Variants in NBAS observed in about 807,000 individuals in gnomAD.
NBAS encodes the protein NBAS subunit of NRZ tethering complex.
In NBAS, 219 loss-of-function variants were observed where a neutral mutation model predicts 302.5. That is an observed-to-expected ratio of 0.72 (90% CI 0.65 to 0.81). The LOEUF (loss-of-function observed/expected upper bound fraction) is 0.81, where lower values mean the gene tolerates loss of function less well. NBAS is among the 30% of genes least tolerant of loss of function. The pLI is 0.00. For missense variants in NBAS, 2,932 were observed against 2,841.6 expected (o/e 1.03, Z -0.72); for synonymous variants, 1,118 against 1,021.6 (o/e 1.09, Z -1.80).
intron 32 of NBAS, among the ~76,000 whole-genome samples, chr2:15,360,313 T>C (rs1415429233): frequency 2.1e-5 from 3 of 141,464 alleles, no homozygotes; most frequent in South Asian, 2.3e-4. Context: ...ATAAGTTAAC[T>C]ATAGGTTACC....
At chr2:15,035,929 T>C in the NBAS span, among the ~76,000 whole-genome samples, 2 of 152,174 alleles carry the variant, frequency 1.3e-5, no homozygotes, top group Non-Finnish European at 2.9e-5. Context: ...GATGGGTTAA[T>C]AGGTGCAGCA....
At chr2:14,836,726 A>G in the NBAS span, among the ~76,000 whole-genome samples, 694 of 152,002 alleles carry the variant, frequency 4.6e-3, 5 homozygotes, top group African/African-American at 0.016. Flanking sequence ...CAGTCACACA[A>G]ACCATTGGAT....
chr2:15,131,165 C>G, the NBAS span, among the ~76,000 whole-genome samples: 2 of 152,182 alleles, frequency 1.3e-5, no homozygotes. Flanking sequence ...GACACATAAT[C>G]TCCGAGCAGA....
the NBAS span, among the ~76,000 whole-genome samples, chr2:15,133,382 G>C: frequency 6.6e-6 from 1 of 152,176 alleles, no homozygotes; most frequent in Non-Finnish European, 1.5e-5. Context: ...AGGTGAGATG[G>C]TCTTAGAGAT....
chr2:15,192,814 C>A (rs959119665), intron 48 of NBAS, among the ~76,000 whole-genome samples: 1 of 152,124 alleles, frequency 6.6e-6, no homozygotes, highest in Admixed American at 6.6e-5. Flanking sequence ...TAATTAAATG[C>A]AGCATAGTTA....
the NBAS span, among the ~76,000 whole-genome samples, chr2:15,017,957 G>C: frequency 6.6e-6 from 1 of 152,020 alleles, no homozygotes; most frequent in African/African-American, 2.4e-5. Flanking sequence ...ATATTATTTA[G>C]CCATTAAAAA....
the NBAS span, among the ~76,000 whole-genome samples, chr2:14,780,111 A>G: frequency 4.6e-5 from 7 of 152,232 alleles, no homozygotes; most frequent in Non-Finnish European, 1.0e-4. Context: ...TACTCAGACT[A>G]GTGGTGTTAA....
intron 32 of NBAS, among the ~76,000 whole-genome samples, chr2:15,361,859 A>G (rs1435732330): frequency 6.6e-6 from 1 of 152,070 alleles, no homozygotes; most frequent in Non-Finnish European, 1.5e-5. Flanking sequence ...ACATGCCTGT[A>G]ATCCCAGCTA....
intron 6 of NBAS, among the ~76,000 whole-genome samples, chr2:15,549,783 G>A (rs1012897145): frequency 6.6e-6 from 1 of 151,786 alleles, no homozygotes; most frequent in African/African-American, 2.4e-5. Flanking sequence ...AGGCTCCCAG[G>A]GCTTGGTAAA....
At chr2:15,483,573 G>T (rs1680514431) in intron 12 of NBAS, among the ~76,000 whole-genome samples, 1 of 152,124 alleles carries the variant, frequency 6.6e-6, no homozygotes, top group Non-Finnish European at 1.5e-5. Flanking sequence ...TTCCAGACAT[G>T]AACAAAATTT....
chr2:14,991,722 T>G, the NBAS span, among the ~76,000 whole-genome samples: 2 of 152,152 alleles, frequency 1.3e-5, no homozygotes, highest in African/African-American at 4.8e-5. Flanking sequence ...ATCACCTGGG[T>G]CTTGGTAGAA....
the NBAS span, among the ~76,000 whole-genome samples, chr2:15,043,092 C>G: frequency 6.6e-6 from 1 of 152,178 alleles, no homozygotes; most frequent in African/African-American, 2.4e-5. Flanking sequence ...AATAACAAAT[C>G]CTACTTAACG....
the NBAS span, among the ~76,000 whole-genome samples, chr2:14,873,085 C>A: frequency 6.6e-6 from 1 of 152,204 alleles, no homozygotes; most frequent in Non-Finnish European, 1.5e-5. Flanking sequence ...TGCGTTTATT[C>A]CCTTAACTGG....
chr2:14,942,301 T>C, the NBAS span, among the ~76,000 whole-genome samples: 1 of 152,156 alleles, frequency 6.6e-6, no homozygotes, highest in Non-Finnish European at 1.5e-5. Context: ...TAGGGCCTGG[T>C]GGAAAGTGAT....
At chr2:14,839,857 C>G in the NBAS span, among the ~76,000 whole-genome samples, 4 of 152,042 alleles carry the variant, frequency 2.6e-5, no homozygotes. Context: ...CCTAATCCCT[C>G]AATGAAAAGA....
chr2:15,048,660 A>G, the NBAS span, among the ~76,000 whole-genome samples: 1 of 152,146 alleles, frequency 6.6e-6, no homozygotes, highest in African/African-American at 2.4e-5. Context: ...CACTGTCCTG[A>G]CCTGGGACTG....
At chr2:14,788,868 G>T in the NBAS span, among the ~76,000 whole-genome samples, 8 of 152,348 alleles carry the variant, frequency 5.3e-5, no homozygotes, top group Non-Finnish European at 1.2e-4. Flanking sequence ...AAAGCTGTCA[G>T]ACATGGACAT....
At chr2:15,280,883 T>A (rs565007572) in intron 42 of NBAS, among the ~76,000 whole-genome samples, 1 of 152,282 alleles carries the variant, frequency 6.6e-6, no homozygotes, top group African/African-American at 2.4e-5. Flanking sequence ...AGCACATAAA[T>A]GCCTCAGGAT....
At chr2:15,155,200 T>C in the NBAS span, among the ~76,000 whole-genome samples, 2 of 152,176 alleles carry the variant, frequency 1.3e-5, no homozygotes, top group African/African-American at 4.8e-5. Flanking sequence ...TATCTATACA[T>C]AAAGATGAAA....
Sources: allele counts gnomAD v4.1 joint callset (sites outside exome capture counted in the v4.1 genomes callset), GRCh38; gene constraint gnomAD v4.1.1; transcripts MANE v1.5; gene names NCBI Gene and HGNC (gene_info 2026-07-23, HGNC 2026-07-21).